Variants in SIK2 observed in about 807,000 individuals in gnomAD.
SIK2 encodes serine/threonine-protein kinase SIK2.
Under a neutral mutation model 103.2 loss-of-function variants are expected in SIK2, and 29 were observed. The observed-to-expected ratio is 0.28, with a 90% CI of 0.21 to 0.38. The LOEUF (loss-of-function observed/expected upper bound fraction) is 0.38. Among genes scored for constraint, SIK2 ranks in the 10% least tolerant of loss-of-function variants. SIK2 has a pLI of 1.00. For synonymous variants in SIK2, 412 were observed against 446.1 expected (o/e 0.92, Z 0.96); for missense variants, 879 against 1,171.0 (o/e 0.75, Z 3.64).
chr11:111,637,529 G>T (rs1942126321), intron 3 of SIK2, among the ~76,000 whole-genome samples: 1 of 139,122 alleles, frequency 7.2e-6, no homozygotes, highest in South Asian at 2.2e-4. Flanking sequence ...GCACAATCTT[G>T]GCTCATTGCA....
chr11:111,721,084 C>G, intron 12 of SIK2, 22 bp downstream of exon 12: 1 of 1,597,710 alleles, frequency 6.3e-7, no homozygotes, highest in East Asian at 2.2e-5. Flanking sequence ...GGGCCCTTCC[C>G]TCAATGGCTC....
chr11:111,690,682 A>G (rs6589245), intron 4 of SIK2, among the ~76,000 whole-genome samples: 1 of 149,988 alleles, frequency 6.7e-6, no homozygotes, highest in East Asian at 2.0e-4. Context: ...TCATTGTTCA[A>G]CTCCCACTTA....
intron 3 of SIK2, among the ~76,000 whole-genome samples, chr11:111,674,505 C>T (rs889982688): frequency 2.6e-5 from 4 of 152,140 alleles, no homozygotes; most frequent in Admixed American, 1.3e-4. Context: ...TAATGTAGTC[C>T]GCATGAATAG....
At chr11:111,618,411 A>G (rs1434384876) in intron 2 of SIK2, among the ~76,000 whole-genome samples, 3 of 152,174 alleles carry the variant, frequency 2.0e-5, no homozygotes, top group African/African-American at 7.2e-5. Context: ...TGTGAAGACC[A>G]TTGGCTTATG....
chr11:111,704,507 C>T (rs763902988), intron 7 of SIK2, among the ~76,000 whole-genome samples: 3 of 152,206 alleles, frequency 2.0e-5, no homozygotes, highest in Admixed American at 6.5e-5. Context: ...ATCCAGATGC[C>T]ATTCTCCAGC....
In SIK2 at chr11:111,701,317, A is replaced by G; in HGVS notation, c.604-135A>G. On this transcript the variant is annotated intron_variant, in intron 5 of 14. Coordinates refer to ENST00000304987, the MANE Select transcript of SIK2 (RefSeq NM_015191.3). The surrounding 1 kb of genome is among the most constrained non-coding windows in gnomAD (Gnocchi z 4.2). ...GTAGTCAGGGTTTTGGATTTTTTTC[A>G]AATTCTGAGAAAATAATAAATCCAG... is the stretch of plus-strand genomic sequence containing the variant. The G allele has an allele frequency of 1.6e-6, 2 of 1,253,130 alleles. No individual in the cohort carries two copies. Among genetic ancestry groups the G allele is most frequent in the Non-Finnish European group, 2.2e-6 (2 of 925,466 alleles). 77.6% of individuals were successfully genotyped at this position (1,253,130 alleles called of 1,614,324 possible).
intron 1 of SIK2, among the ~76,000 whole-genome samples, chr11:111,603,463 A>G (rs1264669926): frequency 6.6e-6 from 1 of 152,012 alleles, no homozygotes; most frequent in Non-Finnish European, 1.5e-5. Context: ...TGTAATACGC[A>G]TTCTTTAAAC....
intron 1 of SIK2, among the ~76,000 whole-genome samples, chr11:111,608,744 G>A (rs1941680303): frequency 2.0e-5 from 3 of 152,026 alleles, no homozygotes; most frequent in Non-Finnish European, 4.4e-5. Context: ...CTAAAATAAT[G>A]TTTCAGAGGG....
At chr11:111,612,783 G>A (rs1008583710) in intron 1 of SIK2, among the ~76,000 whole-genome samples, 2 of 152,016 alleles carry the variant, frequency 1.3e-5, no homozygotes, top group African/African-American at 4.8e-5. Context: ...TGAATCATAA[G>A]TTTTGGGGTG....
chr11:111,604,865 G>A (rs961928477), intron 1 of SIK2, among the ~76,000 whole-genome samples: 1 of 152,152 alleles, frequency 6.6e-6, no homozygotes, highest in South Asian at 2.1e-4. Context: ...GGTGTGATTG[G>A]AGATATTAAG....
At chr11:111,657,903 G>C (rs1942413629) in intron 3 of SIK2, among the ~76,000 whole-genome samples, 1 of 151,936 alleles carries the variant, frequency 6.6e-6, no homozygotes, top group Non-Finnish European at 1.5e-5. Context: ...GAGAGTAAGG[G>C]AATAAAATGG....
At chr11:111,669,738 T>C (rs1430036203) in intron 3 of SIK2, among the ~76,000 whole-genome samples, 1 of 152,192 alleles carries the variant, frequency 6.6e-6, no homozygotes, top group Non-Finnish European at 1.5e-5. Context: ...GTATTTAGAC[T>C]TTTTGGCCTT....
At chr11:111,659,716 A>G (rs1942443130) in intron 3 of SIK2, among the ~76,000 whole-genome samples, 1 of 152,140 alleles carries the variant, frequency 6.6e-6, no homozygotes, top group East Asian at 1.9e-4. Flanking sequence ...TGATTCACCC[A>G]CCTCACTTTT....
At chr11:111,668,553 T>A (rs181001537) in intron 3 of SIK2, among the ~76,000 whole-genome samples, 3 of 152,296 alleles carry the variant, frequency 2.0e-5, no homozygotes, top group African/African-American at 7.2e-5. Flanking sequence ...ATTTTATAAT[T>A]TTTGAGTCCT....
At chr11:111,696,917 A>G (rs1168683062) in intron 4 of SIK2, among the ~76,000 whole-genome samples, 1 of 152,178 alleles carries the variant, frequency 6.6e-6, no homozygotes, top group Non-Finnish European at 1.5e-5. Context: ...ACTTCACTAT[A>G]TGCATTTAGG....
At position 111,720,731 on chromosome 11, in the gene SIK2, C is replaced by A; in HGVS notation, c.1749C>A (p.Gly583=). The change falls in exon 11 of 15, where the codon GGC becomes GGA. Residue 583 remains glycine (G), a synonymous_variant. Transcript: ENST00000304987. ...GGTCTCCAGTGAGCTTCAGAGAGGG[C>A]CGCAGAGCATCAGATACCTCCCTCA... is the stretch of plus-strand genomic sequence containing the variant. ...HNRSPVSFRE[G]RRASDTSLTQ... is the part of the protein sequence containing the mutation. 1 of 1,605,806 alleles carries A rather than the reference C, an allele frequency of 6.2e-7. No homozygotes were observed. The highest frequency in any genetic ancestry group is 8.5e-7 in the Non-Finnish European group (1 of 1,176,256).
chr11:111,688,131 G>A lies in SIK2; in HGVS notation c.447G>A (p.Leu149=). Residue 149 remains leucine (L), a synonymous_variant, in exon 4 of 15, where the codon CTG becomes CTA. Transcript: ENST00000304987. The surrounding 1 kb of genome is among the most constrained non-coding windows in gnomAD (Gnocchi z 4.2). ...VHRDLKAENL[L]LDNNMNIKIA... The stretch of plus-strand genomic sequence containing the variant: ...GTGACCTCAAAGCTGAAAATCTCCT[G>A]CTGGATAACAACATGAATATCAAAA... The A allele has an allele frequency of 6.2e-7, 1 of 1,614,096 alleles. No individual in the cohort carries two copies. Among genetic ancestry groups the A allele is most frequent in the Non-Finnish European group, 8.5e-7 (1 of 1,180,014 alleles).
At chr11:111,633,738 T>C (rs1192400028) in intron 3 of SIK2, among the ~76,000 whole-genome samples, 1 of 152,186 alleles carries the variant, frequency 6.6e-6, no homozygotes, top group African/African-American at 2.4e-5. Flanking sequence ...AATAAGAACA[T>C]ATGCATTTAA....
At chr11:111,606,063 T>C (rs931360983) in intron 1 of SIK2, among the ~76,000 whole-genome samples, 3 of 152,188 alleles carry the variant, frequency 2.0e-5, no homozygotes, top group African/African-American at 7.2e-5. Flanking sequence ...TTTGAGGCAA[T>C]AGTGGTTGCT....
Sources: gnomAD v4.1 joint callset for allele counts (sites outside exome capture counted in the v4.1 genomes callset) on GRCh38, gnomAD v4.1.1 for gene constraint, Gnocchi (gnomAD v3.1) non-coding constraint, MANE v1.5 for transcripts, NCBI Gene and HGNC (gene_info 2026-07-23, HGNC 2026-07-21) for gene names.